AHCYL2: variants seen among roughly 807,000 people sequenced by gnomAD.
AHCYL2 encodes the protein adenosylhomocysteinase like 2.
A neutral mutation model predicts 81.4 loss-of-function variants in AHCYL2; 28 were observed. That is an observed-to-expected ratio of 0.34 (90% confidence interval 0.25 to 0.47). The LOEUF (loss-of-function observed/expected upper bound fraction) is 0.47, where lower values mean the gene tolerates loss of function less well. Among genes scored for constraint, AHCYL2 ranks in the 20% least tolerant of loss-of-function variants. AHCYL2 has a pLI of 1.00. For missense variants in AHCYL2, 551 were observed against 785.1 expected, an observed-to-expected ratio of 0.70 and a Z score of 3.56; for synonymous variants, 272 against 290.2, an observed-to-expected ratio of 0.94 and a Z score of 0.64.
In AHCYL2 at chr7:129,365,632, A is replaced by ATATATATATATATATATATG. The variant is rs1478466715; in HGVS notation, c.364-13993_364-13992insATATATGTATATATATATAT. Among the ~76,000 whole-genome samples, 4 of 148,130 alleles carry ATATATATATATATATATATG rather than the reference A, an allele frequency of 2.7e-5. 1 individual carries two copies. Among genetic ancestry groups the ATATATATATATATATATATG allele is most frequent in the African/African-American group, 1.0e-4 (4 of 39,366 alleles). ...ACAGTTTACCTGGAGGATAGAGTAT[A>ATATATATATATATATATATG]TATATATATATATGGGTATGAAGTG... On this transcript the variant is annotated intron_variant, in intron 1 of 16. Coordinates refer to ENST00000325006, the MANE Select transcript of AHCYL2 (RefSeq NM_015328.4).
intron 13 of AHCYL2, among the ~76,000 whole-genome samples, chr7:129,423,204 T>C (rs1797197797): frequency 6.6e-6 from 1 of 152,170 alleles, no homozygotes; most frequent in African/African-American, 2.4e-5. Context: ...ATAGAAGGAA[T>C]TCACAGATAG....
At chr7:129,358,462 G>C (rs1396482644) in intron 1 of AHCYL2, among the ~76,000 whole-genome samples, 1 of 151,984 alleles carries the variant, frequency 6.6e-6, no homozygotes, top group African/African-American at 2.4e-5. Context: ...GGATCCTTGA[G>C]AACATTATGC....
At position 129,430,187 on chromosome 7, in the gene AHCYL2, A is replaced by C. The variant is rs1797527350; in HGVS notation, c.*3142A>C. The C allele has an allele frequency of 2.0e-5, 3 of 152,526 alleles. No homozygotes were observed. The highest frequency in any genetic ancestry group is 2.9e-5 in the Non-Finnish European group (2 of 68,010). The allele number at this position is 152,526 out of a possible 1,614,324, so 9.4% of individuals were successfully genotyped here. A position where few individuals can be genotyped will look rare whatever the true frequency, so the allele number is the denominator to read the frequency against. ...AATAATGACTATGTAATCTCAAAAA[A>C]CAAATAAAATATTCTTAACATGGAC... On this transcript the variant is annotated 3_prime_UTR_variant, in exon 17 of 17. Transcript: ENST00000325006.
chr7:129,416,017 C>T (rs766793797), intron 12 of AHCYL2, among the ~76,000 whole-genome samples: 2 of 151,730 alleles, frequency 1.3e-5, no homozygotes, highest in Non-Finnish European at 2.9e-5. Flanking sequence ...CCAGCCTGGG[C>T]GACAAGAGCG....
chr7:129,245,416 C>G (rs544311700), intron 1 of AHCYL2, among the ~76,000 whole-genome samples: 2 of 152,316 alleles, frequency 1.3e-5, no homozygotes, highest in East Asian at 3.9e-4. Flanking sequence ...TAAGTACATT[C>G]ACACTGTTGT....
At chr7:129,341,040 G>A (rs1299798205) in intron 1 of AHCYL2, among the ~76,000 whole-genome samples, 2 of 152,048 alleles carry the variant, frequency 1.3e-5, no homozygotes, top group Non-Finnish European at 2.9e-5. Context: ...AGTTGGCTGG[G>A]GCTGCAAATT....
At chr7:129,304,462 C>T (rs186976653) in intron 1 of AHCYL2, among the ~76,000 whole-genome samples, 7 of 152,196 alleles carry the variant, frequency 4.6e-5, no homozygotes, top group South Asian at 2.1e-4. Context: ...ATGATCTGTC[C>T]GATGCTGAAA....
intron 12 of AHCYL2, among the ~76,000 whole-genome samples, chr7:129,414,396 T>C (rs1299626821): frequency 3.3e-5 from 5 of 150,664 alleles, no homozygotes; most frequent in African/African-American, 1.2e-4. Flanking sequence ...GTTGCCCAAG[T>C]AATAGTTAAT....
At chr7:129,373,125 A>G (rs1794494451) in intron 1 of AHCYL2, among the ~76,000 whole-genome samples, 1 of 152,226 alleles carries the variant, frequency 6.6e-6, no homozygotes, top group South Asian at 2.1e-4. Context: ...ATTACAAAAT[A>G]CAAAATCTTG....
intron 13 of AHCYL2, among the ~76,000 whole-genome samples, chr7:129,423,292 G>A (rs1398853077): frequency 6.6e-6 from 1 of 152,190 alleles, no homozygotes; most frequent in African/African-American, 2.4e-5. Context: ...GCACAAAGTA[G>A]ATATGCCCGA....
intron 1 of AHCYL2, among the ~76,000 whole-genome samples, chr7:129,259,896 G>T (rs758868655): frequency 6.6e-6 from 1 of 152,108 alleles, no homozygotes. Context: ...GGCCAACATG[G>T]TGAAACCCTG....
At chr7:129,359,280 A>G (rs142330779) in intron 1 of AHCYL2, among the ~76,000 whole-genome samples, 199 of 152,346 alleles carry the variant, frequency 1.3e-3, no homozygotes, top group African/African-American at 4.6e-3. Flanking sequence ...TATCAGGTTC[A>G]AAAATAGGCA....
intron 2 of AHCYL2, among the ~76,000 whole-genome samples, chr7:129,385,362 G>T (rs1178905166): frequency 6.6e-6 from 1 of 152,180 alleles, no homozygotes; most frequent in Non-Finnish European, 1.5e-5. Flanking sequence ...GACTAATTCA[G>T]TCAGGGTTCT....
chr7:129,425,553 T>C (rs1403148441), intron 15 of AHCYL2, among the ~76,000 whole-genome samples: 2 of 152,220 alleles, frequency 1.3e-5, no homozygotes, highest in Non-Finnish European at 2.9e-5. Context: ...ACTTTCTTAC[T>C]ACACCTTCCA....
At chr7:129,358,924 A>G (rs1391925683) in intron 1 of AHCYL2, among the ~76,000 whole-genome samples, 1 of 152,186 alleles carries the variant, frequency 6.6e-6, no homozygotes, top group East Asian at 1.9e-4. Flanking sequence ...ATAAACTAGA[A>G]CAAGTATTTT....
Position 129,225,289 on chromosome 7 carries a change from C to T in AHCYL2, c.213C>T (p.Ala71=), listed in dbSNP as rs4731565. The T allele has an allele frequency of 0.29, 430,060 of 1,463,486 alleles. 63,822 individuals are homozygous for T. Among genetic ancestry groups the T allele is most frequent in the East Asian group, 0.38 (12,911 of 33,786 alleles). 90.7% of individuals were successfully genotyped at this position (1,463,486 alleles called of 1,614,324 possible). ...CCGGCCCGGGCTCGGGGCCCGCCGCCGCTCTCAGCCCCGCCGCCGGGAAGG... is the reference window on the plus strand; with the variant it reads ...CCGGCCCGGGCTCGGGGCCCGCCGCTGCTCTCAGCCCCGCCGCCGGGAAGG... ...PVPGPGSGPA[A]ALSPAAGKVP... is the part of the protein sequence containing the mutation. The change falls in exon 1 of 17, where the codon GCC becomes GCT. Residue 71 remains alanine, a synonymous_variant. Transcript: ENST00000325006.
At chr7:129,304,672 T>C (rs1319362518) in intron 1 of AHCYL2, among the ~76,000 whole-genome samples, 1 of 152,232 alleles carries the variant, frequency 6.6e-6, no homozygotes, top group East Asian at 1.9e-4. Context: ...TGTCTTGAAA[T>C]CTATTTTGTC....
intron 1 of AHCYL2, among the ~76,000 whole-genome samples, chr7:129,233,101 A>G (rs972919517): frequency 6.6e-6 from 1 of 152,214 alleles, no homozygotes; most frequent in Non-Finnish European, 1.5e-5. Context: ...TTTCATATGC[A>G]TAATCAGCAT....
At chr7:129,339,279 A>G (rs1426416404) in intron 1 of AHCYL2, among the ~76,000 whole-genome samples, 1 of 152,216 alleles carries the variant, frequency 6.6e-6, no homozygotes, top group South Asian at 2.1e-4. Context: ...GGTGCAGTCA[A>G]TTTGGAGGGC....
Sources: allele counts gnomAD v4.1 joint callset (sites outside exome capture counted in the v4.1 genomes callset), GRCh38; gene constraint gnomAD v4.1.1; transcripts MANE v1.5; gene names NCBI Gene and HGNC (gene_info 2026-07-23, HGNC 2026-07-21).